JAKMIP3: variants seen among roughly 807,000 people sequenced by gnomAD.
The protein encoded by JAKMIP3 is janus kinase and microtubule-interacting protein 3.
In JAKMIP3, 58 loss-of-function variants were observed where a neutral mutation model predicts 118.5. The observed-to-expected ratio is 0.49, with a 90% CI of 0.40 to 0.61. The LOEUF is 0.61. JAKMIP3 is among the 20% of genes least tolerant of loss of function. The pLI is 0.00. For missense variants in JAKMIP3, 950 were observed against 1,109.0 expected, an observed-to-expected ratio of 0.86 and a Z score of 2.04; for synonymous variants, 486 against 451.2, an observed-to-expected ratio of 1.08 and a Z score of -0.98.
intron 16 of JAKMIP3, among the ~76,000 whole-genome samples, chr10:132,151,175 T>A (rs1589960815): frequency 6.6e-6 from 1 of 152,142 alleles, no homozygotes; most frequent in Non-Finnish European, 1.5e-5. Flanking sequence ...CATCAATCCA[T>A]CCACCCTCCA....
Position 132,117,612 on chromosome 10 carries a change from CAGGGGCGGGCG to C in JAKMIP3, c.633+39_633+49del. ...GCAGGGGCGGGCGTGGGCGAGGGTG[CAGGGGCGGGCG>C]TGGGCGAGGGTGCAGGGGCGGGCGT... On this transcript the variant is annotated intron_variant, in intron 3 of 23. Transcript: ENST00000684848. The surrounding 1 kb of genome is among the most constrained non-coding windows in gnomAD (Gnocchi z 8.6). The C allele has an allele frequency of 3.6e-6, 4 of 1,111,358 alleles. No homozygotes were observed. The highest frequency in any genetic ancestry group is 2.6e-5 in the East Asian group (1 of 38,548). 68.8% of individuals were successfully genotyped at this position (1,111,358 alleles called of 1,614,324 possible). A position where few individuals can be genotyped will look rare whatever the true frequency, so the allele number is the denominator to read the frequency against.
At chr10:132,180,644 T>TGCGC (rs1345712699) in intron 23 of JAKMIP3, among the ~76,000 whole-genome samples, 4 of 24,294 alleles carry the variant, frequency 1.6e-4, no homozygotes, top group African/African-American at 2.0e-4. Context: ...CGTGCGTGTG[T>TGCGC]GCGTGTGCGT....
At chr10:132,100,495 A>T (rs2044680861) in intron 1 of JAKMIP3, among the ~76,000 whole-genome samples, 1 of 152,050 alleles carries the variant, frequency 6.6e-6, no homozygotes, top group Non-Finnish European at 1.5e-5. Flanking sequence ...GAACAGCCTC[A>T]CACACCCTTG....
chr10:132,167,118 C>A, intron 22 of JAKMIP3, 63 bp downstream of exon 22: 1 of 1,152,490 alleles, frequency 8.7e-7, no homozygotes, highest in Non-Finnish European at 1.3e-6. Context: ...GACTCCTCTG[C>A]CCCTGCCCTG....
chr10:132,148,508 G>A (rs960010703), intron 14 of JAKMIP3, among the ~76,000 whole-genome samples: 1 of 151,142 alleles, frequency 6.6e-6, no homozygotes, highest in Admixed American at 6.6e-5. Flanking sequence ...CGGCACGTCC[G>A]TCCTCCATCC....
rs1291491513 is a variant in JAKMIP3, at chr10:132,179,947, CA to C, written c.*1104-2409del. On this transcript the variant is annotated intron_variant, in intron 23 of 23. Coordinates refer to ENST00000684848, the MANE Select transcript of JAKMIP3 (RefSeq NM_001323087.2). This position sits in a 1 kb window ranked among gnomAD's most constrained non-coding sequence, Gnocchi z 4.3. ...GTGCACACGGGGCACACACTCCCTC[CA>C]GCAGCAAAACACAGCCCCATATATG... 1.3e-5 allele frequency among the ~76,000 whole-genome samples: 2 copies of C among 152,178 alleles called. No individual in the cohort carries two copies. Among genetic ancestry groups the C allele is most frequent in the African/African-American group, 4.8e-5 (2 of 41,440 alleles).
intron 23 of JAKMIP3, among the ~76,000 whole-genome samples, chr10:132,177,318 C>T (rs2060229983): frequency 6.6e-6 from 1 of 152,374 alleles, no homozygotes; most frequent in Non-Finnish European, 1.5e-5. Flanking sequence ...CCACCAGATA[C>T]AAAATGAAAC....
At chr10:132,039,470 A>G (rs777959039) in intron 1 of JAKMIP3, among the ~76,000 whole-genome samples, 1 of 151,264 alleles carries the variant, frequency 6.6e-6, no homozygotes, top group African/African-American at 2.4e-5. Flanking sequence ...GCCAAGGGCT[A>G]GACCCTTTCT....
In JAKMIP3 at chr10:132,056,039, C is replaced by T. The variant is rs188437012; in HGVS notation, c.-138+19301C>T. On this transcript the variant is annotated intron_variant, in intron 1 of 23. Coordinates refer to the JAKMIP3 transcript ENST00000657785. Reference sequence around the variant, plus strand: ...CTTGAGTCCGCCTGGGGACACACGCCGCCCTTGCCCATCCATTTCCAGCCA... The same window carrying T: ...CTTGAGTCCGCCTGGGGACACACGCTGCCCTTGCCCATCCATTTCCAGCCA... 3.3e-3 allele frequency among the ~76,000 whole-genome samples: 508 copies of T among 152,324 alleles called. 1 individual carries two copies. Among genetic ancestry groups the T allele is most frequent in the Non-Finnish European group, 6.1e-3 (417 of 68,024 alleles).
intron 1 of JAKMIP3, among the ~76,000 whole-genome samples, chr10:132,039,861 G>C (rs533070325): frequency 6.6e-6 from 1 of 152,366 alleles, no homozygotes; most frequent in Non-Finnish European, 1.5e-5. Flanking sequence ...GCCTCTGCAA[G>C]TCACGCTGTG....
intron 1 of JAKMIP3, among the ~76,000 whole-genome samples, chr10:132,100,789 G>A (rs2044747501): frequency 6.6e-6 from 1 of 151,750 alleles, no homozygotes; most frequent in Admixed American, 6.5e-5. Context: ...CTCTCGGCAT[G>A]AGGAACCCCG....
intron 1 of JAKMIP3, among the ~76,000 whole-genome samples, chr10:132,101,475 C>G (rs1018959950): frequency 3.3e-5 from 5 of 152,220 alleles, no homozygotes. Flanking sequence ...AACCATGACC[C>G]TTTAAAACAG....
At chr10:132,139,178 GTC>G (rs2052607236) in intron 9 of JAKMIP3, among the ~76,000 whole-genome samples, 6 of 101,624 alleles carry the variant, frequency 5.9e-5, no homozygotes, top group Admixed American at 5.6e-4. Flanking sequence ...GTGTGTATGT[GTC>G]TGTGTATGTG....
chr10:132,055,950 G>A (rs1016814665), intron 1 of JAKMIP3, among the ~76,000 whole-genome samples: 1 of 152,200 alleles, frequency 6.6e-6, no homozygotes, highest in Non-Finnish European at 1.5e-5. Context: ...TCCCCACAGT[G>A]CATGCGGATG....
intron 17 of JAKMIP3, 83 bp downstream of exon 17, chr10:132,153,106 G>T: frequency 4.2e-6 from 5 of 1,177,828 alleles, no homozygotes; most frequent in Non-Finnish European, 6.2e-6. Context: ...TGGTGATCTC[G>T]GGAGGAGGGC....
chr10:132,038,838 T>C (rs2037610267), intron 1 of JAKMIP3, among the ~76,000 whole-genome samples: 1 of 150,686 alleles, frequency 6.6e-6, no homozygotes, highest in African/African-American at 2.4e-5. Flanking sequence ...GCTGCATGTA[T>C]GGCAGGCTCT....
intron 3 of JAKMIP3, among the ~76,000 whole-genome samples, chr10:132,124,177 C>T (rs979078817): frequency 6.6e-6 from 1 of 152,252 alleles, no homozygotes; most frequent in East Asian, 1.9e-4. Flanking sequence ...GGGGGCCCAG[C>T]AGGATTGCCC....
At chr10:132,178,178 G>A (rs189609619) in intron 23 of JAKMIP3, among the ~76,000 whole-genome samples, 12 of 152,382 alleles carry the variant, frequency 7.9e-5, no homozygotes, top group Admixed American at 5.9e-4. Context: ...AGAGCACCAC[G>A]TGCCTGAGGA....
chr10:132,125,301 C>CT (rs1177673627), intron 3 of JAKMIP3, among the ~76,000 whole-genome samples: 1 of 152,222 alleles, frequency 6.6e-6, no homozygotes, highest in Admixed American at 6.5e-5. Context: ...GGATATCCAA[C>CT]TATTTCAGGA....
Sources: allele counts gnomAD v4.1 joint callset (sites outside exome capture counted in the v4.1 genomes callset), GRCh38; gene constraint gnomAD v4.1.1; non-coding constraint Gnocchi (gnomAD v3.1); transcripts MANE v1.5; gene names NCBI Gene and HGNC (gene_info 2026-07-23, HGNC 2026-07-21).